Variants in LCA5 observed in about 807,000 individuals in gnomAD.
LCA5 encodes lebercilin LCA5, also known as lebercilin.
Under a neutral mutation model 53.0 loss-of-function variants are expected in LCA5, and 37 were observed. The observed-to-expected ratio is 0.70, with a 90% CI of 0.54 to 0.92. The LOEUF (loss-of-function observed/expected upper bound fraction) is 0.92, where lower values mean the gene tolerates loss of function less well. Among genes scored for constraint, LCA5 ranks in the 40% least tolerant of loss-of-function variants. The pLI, the probability that LCA5 is intolerant of heterozygous loss-of-function variation, is 0.00. For missense variants in LCA5, 806 were observed against 790.5 expected (o/e 1.02, Z -0.23); for synonymous variants, 303 against 282.9 (o/e 1.07, Z -0.71).
chr6:79,488,883 A>C, intron 7 of LCA5: 1 of 621,318 alleles, frequency 1.6e-6, no homozygotes, highest in East Asian at 2.7e-5. Context: ...AATGACTTAG[A>C]GTGTTCAATT....
chr6:79,508,138 G>A (rs551368580), intron 3 of LCA5, among the ~76,000 whole-genome samples: 9 of 152,194 alleles, frequency 5.9e-5, no homozygotes, highest in Admixed American at 4.6e-4. Context: ...CCCTTTGTAC[G>A]GAGCTCAGGA....
Position 79,487,508 on chromosome 6 carries a change from T to G in LCA5, c.1590A>C (p.Ser530=). ...NGHHLQDISF[S]TPKGEGQNSG... is the part of the protein sequence containing the mutation. ...AATTCTGACCTTCTCCTTTTGGAGT[T>G]GAGAAACTGATGTCTTGCAAATGAT... is the stretch of plus-strand genomic sequence containing the variant. The change falls in exon 8 of 8, where the codon TCA becomes TCC. Residue 530 remains serine, a synonymous_variant. Coordinates refer to ENST00000369846, the MANE Select transcript of LCA5 (RefSeq NM_001122769.3). The G allele has an allele frequency of 1.9e-6, 3 of 1,614,080 alleles. No individual in the cohort carries two copies.
intron 1 of LCA5, among the ~76,000 whole-genome samples, chr6:79,526,472 A>G (rs1766793630): frequency 6.6e-6 from 1 of 152,144 alleles, no homozygotes; most frequent in Admixed American, 6.5e-5. Flanking sequence ...TGAACCCAGG[A>G]GGCAGAGGTT....
chr6:79,513,646 C>T lies in LCA5; in HGVS notation c.286G>A (p.Asp96Asn). 1 of 1,613,844 alleles carries T rather than the reference C, an allele frequency of 6.2e-7. No individual in the cohort carries two copies. The highest frequency in any genetic ancestry group is 1.1e-5 in the South Asian group (1 of 91,070). The change falls in exon 3 of 8, where the codon GAT becomes AAT. Residue 96 changes from aspartate to asparagine, a missense_variant. Physicochemically the swap from Asp to Asn is conservative, Grantham distance 23 (BLOSUM62 1). Coordinates refer to ENST00000369846, the MANE Select transcript of LCA5 (RefSeq NM_001122769.3). Reference protein sequence around the residue: ...QSLNREPLRKDTDLVTKRILS... With the variant: ...QSLNREPLRKNTDLVTKRILS... Reference sequence around the variant, plus strand: ...ATCCGTTTTGTAACAAGATCAGTATCTTTCCGAAGTGGCTCTCTATTGAGG... The same window carrying T: ...ATCCGTTTTGTAACAAGATCAGTATTTTTCCGAAGTGGCTCTCTATTGAGG...
At chr6:79,488,930 G>T in intron 7 of LCA5, 154 bp downstream of exon 7, 1 of 782,602 alleles carries the variant, frequency 1.3e-6, no homozygotes, top group Non-Finnish European at 2.1e-6. Context: ...AAATGTGTAT[G>T]GCTCCTGATA....
In LCA5 at chr6:79,519,577, C is replaced by T. The variant is rs574616676; in HGVS notation, c.-191-492G>A. The stretch of plus-strand genomic sequence containing the variant: ...ACTAAAAATACAAAAATTAGCTGGG[C>T]GTGGTGGCACACGCCTGTAGTCCCA... On this transcript the variant is annotated intron_variant, in intron 1 of 7. Coordinates refer to ENST00000369846, the MANE Select transcript of LCA5 (RefSeq NM_001122769.3). Among the ~76,000 whole-genome samples, 5 of 151,822 alleles carry T rather than the reference C, an allele frequency of 3.3e-5. No individual in the cohort carries two copies. In the East Asian group the frequency reaches 7.8e-4, roughly 24 times the overall value.
intron 6 of LCA5, among the ~76,000 whole-genome samples, chr6:79,489,643 C>T (rs1769782650): frequency 3.3e-5 from 5 of 152,032 alleles, no homozygotes. Flanking sequence ...GTCCAACCCC[C>T]AATTAATATA....
chr6:79,503,242 A>C (rs1770191308), intron 3 of LCA5, among the ~76,000 whole-genome samples: 1 of 152,212 alleles, frequency 6.6e-6, no homozygotes, highest in Non-Finnish European at 1.5e-5. Flanking sequence ...AGTTTCCTCA[A>C]CAGTTCAATG....
chr6:79,529,893 G>A (rs563294094), intron 1 of LCA5, among the ~76,000 whole-genome samples: 12 of 148,142 alleles, frequency 8.1e-5, no homozygotes, highest in Admixed American at 4.8e-4. Flanking sequence ...ACTTATAGGC[G>A]GGAACTGAAC....
intron 1 of LCA5, among the ~76,000 whole-genome samples, chr6:79,526,151 A>G (rs765591588): frequency 1.1e-4 from 16 of 152,206 alleles, no homozygotes; most frequent in Non-Finnish European, 2.2e-4. Context: ...CAGGAAAACT[A>G]AAGTATTTGC....
At chr6:79,511,219 G>A (rs1448799758) in intron 3 of LCA5, among the ~76,000 whole-genome samples, 1 of 152,026 alleles carries the variant, frequency 6.6e-6, no homozygotes, top group African/African-American at 2.4e-5. Context: ...TTAGTCAAGA[G>A]CCCAAAACTG....
chr6:79,532,644 C>T (rs1766990330), intron 1 of LCA5, among the ~76,000 whole-genome samples: 1 of 152,152 alleles, frequency 6.6e-6, no homozygotes, highest in Non-Finnish European at 1.5e-5. Flanking sequence ...TCTCTTCTTC[C>T]TGTTCTCAGC....
chr6:79,498,386 C>A (rs2127672006), intron 3 of LCA5, among the ~76,000 whole-genome samples: 1 of 151,908 alleles, frequency 6.6e-6, no homozygotes, highest in Non-Finnish European at 1.5e-5. Flanking sequence ...AAATCCTATC[C>A]CCCCCTAGAT....
intron 1 of LCA5, chr6:79,525,052 C>T (rs1330276268): frequency 7.2e-5 from 11 of 151,826 alleles, no homozygotes; most frequent in East Asian, 3.9e-4. Flanking sequence ...TTTGTTGTTC[C>T]GATTTTTAAA....
At chr6:79,496,036 T>C (rs1176015686) in intron 3 of LCA5, among the ~76,000 whole-genome samples, 2 of 152,076 alleles carry the variant, frequency 1.3e-5, no homozygotes, top group Non-Finnish European at 2.9e-5. Context: ...TGTAAACAGA[T>C]AATTCACCAA....
chr6:79,505,700 G>A (rs898551657), intron 3 of LCA5, among the ~76,000 whole-genome samples: 5 of 152,154 alleles, frequency 3.3e-5, no homozygotes, highest in Admixed American at 2.6e-4. Context: ...GATAAATGCA[G>A]AAGAGGTAGA....
At chr6:79,533,353 G>C (rs532647211) in intron 1 of LCA5, among the ~76,000 whole-genome samples, 3 of 152,122 alleles carry the variant, frequency 2.0e-5, no homozygotes, top group Admixed American at 2.0e-4. Flanking sequence ...GAGGAGGGGG[G>C]AGCGAGGGAG....
At chr6:79,530,865 G>T (rs1035377573) in intron 1 of LCA5, among the ~76,000 whole-genome samples, 1 of 151,818 alleles carries the variant, frequency 6.6e-6, no homozygotes, top group Non-Finnish European at 1.5e-5. Context: ...AAAAAGAAAA[G>T]ACATAAAAAA....
intron 2 of LCA5, among the ~76,000 whole-genome samples, chr6:79,516,569 G>A (rs990017977): frequency 1.3e-5 from 2 of 151,840 alleles, no homozygotes; most frequent in Non-Finnish European, 2.9e-5. Context: ...AAATTTTTTA[G>A]CATATTCTAT....
Sources: gnomAD v4.1 joint callset for allele counts (sites outside exome capture counted in the v4.1 genomes callset) on GRCh38, gnomAD v4.1.1 for gene constraint, MANE v1.5 for transcripts, NCBI Gene and HGNC (gene_info 2026-07-23, HGNC 2026-07-21) for gene names.